AMOTL1: variants seen among roughly 807,000 people sequenced by gnomAD.
AMOTL1 encodes the protein angiomotin like 1.
Under a neutral mutation model 102.9 loss-of-function variants are expected in AMOTL1, and 45 were observed. That is an observed-to-expected ratio of 0.44 (90% CI 0.34 to 0.56). The LOEUF (loss-of-function observed/expected upper bound fraction) is 0.56. Among genes scored for constraint, AMOTL1 ranks in the 20% least tolerant of loss-of-function variants. The pLI is 0.01. For missense variants in AMOTL1, 1,114 were observed against 1,225.6 expected, an observed-to-expected ratio of 0.91 and a Z score of 1.36; for synonymous variants, 481 against 484.7, an observed-to-expected ratio of 0.99 and a Z score of 0.10.
Position 94,846,894 on chromosome 11 carries a change from A to G in AMOTL1, c.1649-3220A>G, listed in dbSNP as rs7112813. Among the ~76,000 whole-genome samples the G allele has an allele frequency of 2.9e-3, 443 of 152,336 alleles. 3 individuals carry two copies. Among genetic ancestry groups the G allele is most frequent in the African/African-American group, 0.01 (424 of 41,570 alleles). ...GTAAACTTAGAATAAAGAGACTACT[A>G]TAAGTAACCATTCCTGGAACACAAT... is the stretch of plus-strand genomic sequence containing the variant. On this transcript the variant is annotated intron_variant, in intron 6 of 12. Coordinates refer to ENST00000433060, the MANE Select transcript of AMOTL1 (RefSeq NM_130847.3).
chr11:94,761,890 G>C (rs573222537), intron 3 of AMOTL1, among the ~76,000 whole-genome samples: 1 of 152,132 alleles, frequency 6.6e-6, no homozygotes, highest in African/African-American at 2.4e-5. Context: ...GTTGTGGAGG[G>C]GTCATTTCTC....
At chr11:94,813,123 G>C (rs1319799701) in intron 3 of AMOTL1, among the ~76,000 whole-genome samples, 1 of 152,192 alleles carries the variant, frequency 6.6e-6, no homozygotes, top group East Asian at 1.9e-4. Flanking sequence ...GTCAGCCTCT[G>C]TAGCTCTCAT....
At chr11:94,709,803 A>G (rs1949993073) in intron 1 of AMOTL1, among the ~76,000 whole-genome samples, 1 of 152,138 alleles carries the variant, frequency 6.6e-6, no homozygotes, top group Non-Finnish European at 1.5e-5. Flanking sequence ...GGTGGTTTTT[A>G]TGTAGCATTA....
At chr11:94,812,849 A>C (rs1951705715) in intron 3 of AMOTL1, among the ~76,000 whole-genome samples, 1 of 152,084 alleles carries the variant, frequency 6.6e-6, no homozygotes, top group Non-Finnish European at 1.5e-5. Flanking sequence ...TGTTGATCTC[A>C]ACCACTGGGT....
chr11:94,765,592 T>A (rs1408385421), upstream of AMOTL1, among the ~76,000 whole-genome samples: 7 of 152,166 alleles, frequency 4.6e-5, no homozygotes, highest in African/African-American at 1.7e-4. Flanking sequence ...GATTACTGGG[T>A]ATTAATTTGA....
intron 1 of AMOTL1, among the ~76,000 whole-genome samples, chr11:94,719,743 T>TA (rs1320720947): frequency 2.6e-5 from 4 of 152,098 alleles, no homozygotes; most frequent in South Asian, 2.1e-4. Flanking sequence ...ACGTATTCTT[T>TA]AAAAAAAATA....
intron 4 of AMOTL1, among the ~76,000 whole-genome samples, chr11:94,823,719 CTTTTT>C (rs56265520): frequency 7.1e-6 from 1 of 141,702 alleles, no homozygotes; most frequent in African/African-American, 2.6e-5. Context: ...TTAACATGTA[CTTTTT>C]TTTTTTTTTT....
At chr11:94,853,911 T>C (rs72973827) in intron 7 of AMOTL1, 22 bp from the exon 8 acceptor site, 32,843 of 1,549,736 alleles carry the variant, frequency 0.021, 413 homozygotes, top group Non-Finnish European at 0.025. Flanking sequence ...TTCTGTGCTC[T>C]TTTTTACTCT....
intron 1 of AMOTL1, among the ~76,000 whole-genome samples, chr11:94,710,927 A>G (rs1268939284): frequency 6.6e-6 from 1 of 152,164 alleles, no homozygotes; most frequent in Non-Finnish European, 1.5e-5. Flanking sequence ...TCAATATATT[A>G]TAACTATTTA....
chr11:94,867,761 A>G (rs1306642890), intron 11 of AMOTL1, among the ~76,000 whole-genome samples: 2 of 152,198 alleles, frequency 1.3e-5, no homozygotes, highest in African/African-American at 4.8e-5. Context: ...ATGGCTGGCT[A>G]GTGACTTATT....
chr11:94,776,091 AT>A (rs1441292412), intron 1 of AMOTL1, among the ~76,000 whole-genome samples: 1 of 152,240 alleles, frequency 6.6e-6, no homozygotes, highest in Non-Finnish European at 1.5e-5. Flanking sequence ...ATCAAAGGTC[AT>A]CCTGAACTTC....
chr11:94,824,984 T>A (rs776079033), intron 4 of AMOTL1, among the ~76,000 whole-genome samples: 6 of 152,212 alleles, frequency 3.9e-5, no homozygotes, highest in Non-Finnish European at 8.8e-5. Flanking sequence ...GATATGAAGA[T>A]CCTGTTTCCA....
At chr11:94,751,751 A>G (rs1251069854) in intron 3 of AMOTL1, among the ~76,000 whole-genome samples, 1 of 151,366 alleles carries the variant, frequency 6.6e-6, no homozygotes, top group Non-Finnish European at 1.5e-5. Context: ...GGGATAAAAC[A>G]TATATATGCT....
chr11:94,720,464 C>T (rs902982654), intron 1 of AMOTL1, among the ~76,000 whole-genome samples: 1 of 152,106 alleles, frequency 6.6e-6, no homozygotes, highest in Non-Finnish European at 1.5e-5. Flanking sequence ...CGTCTTTCAT[C>T]TGGAGAATCA....
chr11:94,855,247 T>A (rs1022261046), intron 8 of AMOTL1, among the ~76,000 whole-genome samples: 20 of 152,214 alleles, frequency 1.3e-4, no homozygotes, highest in Non-Finnish European at 2.4e-4. Context: ...CCCATGCAGT[T>A]CCCTCTGGGT....
At chr11:94,720,757 G>A (rs988700191) in intron 1 of AMOTL1, among the ~76,000 whole-genome samples, 1 of 152,094 alleles carries the variant, frequency 6.6e-6, no homozygotes, top group Non-Finnish European at 1.5e-5. Context: ...TTCCACACGA[G>A]GTGACTACAC....
upstream of AMOTL1, among the ~76,000 whole-genome samples, chr11:94,764,582 T>C (rs1170082758): frequency 2.0e-4 from 30 of 152,228 alleles, no homozygotes; most frequent in Non-Finnish European, 4.4e-5. Flanking sequence ...GTGTAGTAGC[T>C]GTTCCTTACG....
In AMOTL1 at chr11:94,739,009, A is replaced by C. The variant is rs184353411; in HGVS notation, c.86-1929A>C. On this transcript the variant is annotated intron_variant, in intron 2 of 4. Transcript: ENST00000299004. Reference sequence around the variant, plus strand: ...ATGTAGATGGAGAAAAATAAGAATAATCACAGGAATGATACTGGGAAAAGT... The same window carrying C: ...ATGTAGATGGAGAAAAATAAGAATACTCACAGGAATGATACTGGGAAAAGT... Among the ~76,000 whole-genome samples, 339 of 152,300 alleles carry C rather than the reference A, an allele frequency of 2.2e-3. 4 individuals carry two copies. Among genetic ancestry groups the C allele is most frequent in the Admixed American group, 7.3e-3 (112 of 15,302 alleles).
intron 1 of AMOTL1, among the ~76,000 whole-genome samples, chr11:94,785,985 A>C (rs1426098297): frequency 3.3e-5 from 5 of 152,184 alleles, no homozygotes; most frequent in African/African-American, 9.7e-5. Context: ...ACCCAAAAGA[A>C]TACTACTGTG....
Sources: gnomAD v4.1 joint callset for allele counts (sites outside exome capture counted in the v4.1 genomes callset) on GRCh38, gnomAD v4.1.1 for gene constraint, MANE v1.5 for transcripts, NCBI Gene and HGNC (gene_info 2026-07-23, HGNC 2026-07-21) for gene names.